CFAP70: variants seen among roughly 807,000 people sequenced by gnomAD.
CFAP70 encodes the protein cilia- and flagella-associated protein 70.
Under a neutral mutation model 137.6 loss-of-function variants are expected in CFAP70, and 81 were observed. That is an observed-to-expected ratio of 0.59 (90% CI 0.49 to 0.71). CFAP70 has a LOEUF of 0.71. CFAP70 is among the 30% of genes least tolerant of loss of function. The probability of loss-of-function intolerance (pLI) is 0.00; values close to 1 mark genes in which losing one functional copy is unlikely to be tolerated. For synonymous variants in CFAP70, 382 were observed against 423.6 expected (o/e 0.90, Z 1.20); for missense variants, 976 against 1,226.7 (o/e 0.80, Z 3.05).
chr10:73,273,730 G>A (rs1564763899), intron 23 of CFAP70, among the ~76,000 whole-genome samples: 1 of 152,202 alleles, frequency 6.6e-6, no homozygotes, highest in East Asian at 1.9e-4. Flanking sequence ...ACATCATACA[G>A]CATCGTAATT....
chr10:73,299,243 T>C, intron 13 of CFAP70, 142 bp from the exon 15 acceptor site: 1 of 698,188 alleles, frequency 1.4e-6, no homozygotes, highest in Non-Finnish European at 2.3e-6. Flanking sequence ...ACAAGGTCTC[T>C]CTCGCCCAGG....
intron 20 of CFAP70, among the ~76,000 whole-genome samples, chr10:73,277,862 C>T (rs2046906191): frequency 6.6e-6 from 1 of 152,190 alleles, no homozygotes; most frequent in Non-Finnish European, 1.5e-5. Flanking sequence ...GGTAAATCTA[C>T]TTGTGGTTCC....
chr10:73,348,105 T>C (rs375783551), intron 4 of CFAP70, 51 bp downstream of exon 5: 2 of 1,530,338 alleles, frequency 1.3e-6, no homozygotes, highest in Non-Finnish European at 1.8e-6. Flanking sequence ...GCAGACAGAA[T>C]TGTTACATTG....
intron 23 of CFAP70, among the ~76,000 whole-genome samples, chr10:73,273,315 C>G (rs1180379616): frequency 2.0e-5 from 3 of 152,232 alleles, no homozygotes; most frequent in African/African-American, 7.2e-5. Flanking sequence ...TCATGATTAT[C>G]TGAATTCCAC....
At chr10:73,327,880 GA>G (rs2051635621) in intron 8 of CFAP70, among the ~76,000 whole-genome samples, 1 of 152,118 alleles carries the variant, frequency 6.6e-6, no homozygotes, top group South Asian at 2.1e-4. Flanking sequence ...TCATGGGTAG[GA>G]AGAATCAATA....
intron 8 of CFAP70, among the ~76,000 whole-genome samples, 162 bp downstream of exon 9, chr10:73,331,015 G>A (rs1260147539): frequency 6.6e-6 from 1 of 152,160 alleles, no homozygotes; most frequent in Non-Finnish European, 1.5e-5. Context: ...GAGACTTTCA[G>A]TGCTAAAACA....
At chr10:73,329,505 C>G (rs759134483) in intron 8 of CFAP70, among the ~76,000 whole-genome samples, 8 of 151,722 alleles carry the variant, frequency 5.3e-5, no homozygotes, top group Non-Finnish European at 1.2e-4. Flanking sequence ...ATAAAATAAA[C>G]ATAAACAAAC....
chr10:73,278,033 TGA>T, intron 20 of CFAP70, 144 bp downstream of exon 21: 1 of 686,570 alleles, frequency 1.5e-6, no homozygotes, highest in Non-Finnish European at 2.4e-6. Context: ...CCTTGCTTAC[TGA>T]GAGAGTTACA....
chr10:73,337,537 T>C (rs1319384497), intron 6 of CFAP70, among the ~76,000 whole-genome samples: 1 of 151,996 alleles, frequency 6.6e-6, no homozygotes, highest in Non-Finnish European at 1.5e-5. Flanking sequence ...ATAGCAGTGT[T>C]TTCCCAACAG....
At chr10:73,292,483 G>C (rs1219825796) in intron 16 of CFAP70, among the ~76,000 whole-genome samples, 2 of 152,084 alleles carry the variant, frequency 1.3e-5, no homozygotes, top group African/African-American at 4.8e-5. Flanking sequence ...TCATGGATTG[G>C]ATGACTTAAT....
At chr10:73,297,072 T>C in exon 15 of CFAP70, 1 of 1,613,892 alleles carries the variant, frequency 6.2e-7, no homozygotes, top group Non-Finnish European at 8.5e-7. Context: ...TCTGATCTAC[T>C]AAGAACACAT....
At chr10:73,348,228 A>T (rs759134346) in intron 4 of CFAP70, 1 of 1,614,154 alleles carries the variant, frequency 6.2e-7, no homozygotes, top group Admixed American at 1.7e-5. Flanking sequence ...TTTGAAATGA[A>T]CTCTGTCCTG....
At chr10:73,278,380 T>G in intron 19 of CFAP70, 43 bp from the exon 21 acceptor site, 1 of 1,544,580 alleles carries the variant, frequency 6.5e-7, no homozygotes, top group Non-Finnish European at 8.8e-7. Flanking sequence ...CTTCTTACAT[T>G]GGGTGTTTAA....
intron 9 of CFAP70, among the ~76,000 whole-genome samples, chr10:73,321,841 T>C (rs2050884072): frequency 6.6e-6 from 1 of 152,172 alleles, no homozygotes; most frequent in South Asian, 2.1e-4. Context: ...TGTAATGAAG[T>C]TGTGCAATTT....
At chr10:73,329,158 C>T (rs550030281) in intron 8 of CFAP70, among the ~76,000 whole-genome samples, 1 of 152,118 alleles carries the variant, frequency 6.6e-6, no homozygotes, top group South Asian at 2.1e-4. Context: ...TACTATGTAG[C>T]CATAAAAAAT....
At chr10:73,287,047 T>C (rs2047776831) in intron 19 of CFAP70, among the ~76,000 whole-genome samples, 1 of 152,200 alleles carries the variant, frequency 6.6e-6, no homozygotes, top group Non-Finnish European at 1.5e-5. Flanking sequence ...AGCATGGGCG[T>C]TGTGGCCATC....
upstream of CFAP70, among the ~76,000 whole-genome samples, chr10:73,359,093 T>C (rs979129255): frequency 4.6e-5 from 7 of 152,260 alleles, no homozygotes; most frequent in African/African-American, 1.7e-4. Context: ...ATTTAAATAT[T>C]TCTCCGTGAA....
chr10:73,263,510 A>G (rs1430369239), intron 25 of CFAP70, among the ~76,000 whole-genome samples: 2 of 152,226 alleles, frequency 1.3e-5, no homozygotes, highest in South Asian at 2.1e-4. Context: ...TTTTTTAAAA[A>G]TAGAGCACTA....
chr10:73,322,566 TA>T (rs143744938), intron 9 of CFAP70, among the ~76,000 whole-genome samples: 320 of 105,640 alleles, frequency 3.0e-3, no homozygotes, highest in African/African-American at 3.7e-3. Flanking sequence ...CCCACATCTC[TA>T]AAAAAAAAAA....
Sources: gnomAD v4.1 joint callset for allele counts (sites outside exome capture counted in the v4.1 genomes callset) on GRCh38, gnomAD v4.1.1 for gene constraint, MANE v1.5 for transcripts, NCBI Gene and HGNC (gene_info 2026-07-23, HGNC 2026-07-21) for gene names.